The following KCNH5 variants were observed in gnomAD, a reference collection of about 807,000 sequenced individuals.
The protein encoded by KCNH5 is potassium voltage-gated channel subfamily H member 5.
A neutral mutation model predicts 96.1 loss-of-function variants in KCNH5; 46 were observed. That is an observed-to-expected ratio of 0.48 (90% CI 0.38 to 0.61). KCNH5 has a LOEUF of 0.61. Ranked by LOEUF, KCNH5 falls within the 20% of genes least tolerant of loss-of-function variation. The pLI is 0.00. For synonymous variants in KCNH5, 439 were observed against 449.8 expected (o/e 0.98, Z 0.30); for missense variants, 907 against 1,225.8 (o/e 0.74, Z 3.88).
intron 6 of KCNH5, among the ~76,000 whole-genome samples, chr14:62,955,037 G>A (rs1328676901): frequency 1.3e-5 from 2 of 151,554 alleles, no homozygotes; most frequent in Non-Finnish European, 1.5e-5. Context: ...CATATCACTA[G>A]GTCACACATG....
intron 6 of KCNH5, among the ~76,000 whole-genome samples, chr14:62,962,333 G>A (rs1363290654): frequency 1.3e-5 from 2 of 152,084 alleles, no homozygotes; most frequent in Non-Finnish European, 2.9e-5. Context: ...CCCTAATCCA[G>A]ATATAAAAAA....
intron 9 of KCNH5, among the ~76,000 whole-genome samples, chr14:62,801,373 T>C (rs892485534): frequency 1.0e-5 from 1 of 98,948 alleles, no homozygotes; most frequent in African/African-American, 3.5e-5. Context: ...TTATTTTACC[T>C]GGTAAAAAAA....
At chr14:62,713,416 C>T (rs1884615890) in intron 10 of KCNH5, among the ~76,000 whole-genome samples, 1 of 152,208 alleles carries the variant, frequency 6.6e-6, no homozygotes, top group Non-Finnish European at 1.5e-5. Context: ...AGGTTCAAAT[C>T]TTTGACCCAC....
rs146914359 is a variant in KCNH5, at chr14:62,823,656, C to A, written c.1570-21075G>T. 5.8e-3 allele frequency among the ~76,000 whole-genome samples: 878 copies of A among 152,196 alleles called. 5 individuals carry two copies. Among genetic ancestry groups the A allele is most frequent in the Middle Eastern group, 0.014 (4 of 294 alleles). ...ATTATTATAAACACTTCAGATTATT[C>A]TTTCTCCATCATGTCATCTCTGATT... On this transcript the variant is annotated intron_variant, in intron 8 of 10. Transcript: ENST00000322893.
chr14:62,849,865 A>C lies in KCNH5; in HGVS notation c.1370-13T>G. On this transcript the variant is annotated splice_polypyrimidine_tract_variant and intron_variant, in intron 7 of 10. Coordinates refer to ENST00000322893, the MANE Select transcript of KCNH5 (RefSeq NM_139318.5). ...GCATAAAGAAGAGCTGAAAGAGAAG[A>C]AATGATAAAAATAAAACAAATATCT... The C allele has an allele frequency of 6.3e-7, 1 of 1,585,024 alleles. No homozygotes were observed. Among genetic ancestry groups the C allele is most frequent in the Non-Finnish European group, 8.7e-7 (1 of 1,154,920 alleles).
intron 7 of KCNH5, among the ~76,000 whole-genome samples, chr14:62,861,695 C>CT (rs1195387354): frequency 6.7e-6 from 1 of 149,636 alleles, no homozygotes; most frequent in Non-Finnish European, 1.5e-5. Context: ...ATGATCTGAT[C>CT]TGATGATTGA....
chr14:62,917,373 T>C (rs1307655006), intron 7 of KCNH5, among the ~76,000 whole-genome samples: 1 of 151,286 alleles, frequency 6.6e-6, no homozygotes, highest in Non-Finnish European at 1.5e-5. Flanking sequence ...TTTTTTTTGC[T>C]TTATCTCAGA....
chr14:62,779,600 T>C (rs1231122728), intron 10 of KCNH5, 128 bp downstream of exon 10: 5 of 675,204 alleles, frequency 7.4e-6, no homozygotes, highest in Middle Eastern at 4.6e-4. Context: ...GAAGGAAAAT[T>C]ATGCCACTTT....
chr14:62,723,066 G>A (rs1341322290), intron 10 of KCNH5, among the ~76,000 whole-genome samples: 4 of 152,030 alleles, frequency 2.6e-5, no homozygotes, highest in East Asian at 1.9e-4. Flanking sequence ...TTTAGCTCTC[G>A]CCTTGGAAGA....
chr14:62,989,812 T>C lies in KCNH5; in HGVS notation c.434-2625A>G, dbSNP rs185017763. Among the ~76,000 whole-genome samples, 114 of 152,232 alleles carry C rather than the reference T, an allele frequency of 7.5e-4. 2 individuals are homozygous for C. Among genetic ancestry groups the C allele is most frequent in the Non-Finnish European group, 1.4e-3 (92 of 68,000 alleles). On this transcript the variant is annotated intron_variant, in intron 4 of 10. Coordinates refer to ENST00000322893, the MANE Select transcript of KCNH5 (RefSeq NM_139318.5). ...AAAATCAGATATAAAATAAATCTCA[T>C]TTTGTTTTATTATCATTGGTTTTTG...
chr14:62,753,810 TA>T (rs1318097718), intron 10 of KCNH5, among the ~76,000 whole-genome samples: 1 of 152,194 alleles, frequency 6.6e-6, no homozygotes, highest in Non-Finnish European at 1.5e-5. Context: ...AGGGTTTTCA[TA>T]AATACCATAT....
At chr14:62,859,521 G>C (rs902853403) in intron 7 of KCNH5, among the ~76,000 whole-genome samples, 4 of 152,142 alleles carry the variant, frequency 2.6e-5, no homozygotes, top group Non-Finnish European at 4.4e-5. Context: ...CACAGTTTTT[G>C]ACCACTCAAA....
intron 8 of KCNH5, among the ~76,000 whole-genome samples, chr14:62,833,862 T>C (rs1017449054): frequency 4.6e-5 from 7 of 152,018 alleles, no homozygotes; most frequent in African/African-American, 1.7e-4. Flanking sequence ...TTTAGAATCA[T>C]TATCTTGTGC....
At chr14:62,853,227 C>T (rs551001404) in intron 7 of KCNH5, among the ~76,000 whole-genome samples, 2 of 152,062 alleles carry the variant, frequency 1.3e-5, no homozygotes, top group East Asian at 3.9e-4. Context: ...TACCAGCATC[C>T]TTGCAGTCTC....
At chr14:62,768,405 A>G (rs115162880) in intron 10 of KCNH5, among the ~76,000 whole-genome samples, 116 of 152,276 alleles carry the variant, frequency 7.6e-4, no homozygotes, top group African/African-American at 2.7e-3. Flanking sequence ...TTTAAATGAA[A>G]ATGATGTGAT....
At chr14:62,723,934 C>A (rs541769467) in intron 10 of KCNH5, among the ~76,000 whole-genome samples, 30 of 152,168 alleles carry the variant, frequency 2.0e-4, no homozygotes, top group African/African-American at 6.0e-4. Flanking sequence ...GGTACGGTAG[C>A]CTTTTATTTG....
intron 7 of KCNH5, among the ~76,000 whole-genome samples, chr14:62,880,401 A>C (rs1324947708): frequency 6.6e-6 from 1 of 152,250 alleles, no homozygotes; most frequent in Non-Finnish European, 1.5e-5. Context: ...AAAGAAGAAA[A>C]GCCAACATTA....
intron 5 of KCNH5, among the ~76,000 whole-genome samples, chr14:62,984,794 C>T (rs1345790849): frequency 2.6e-5 from 4 of 151,924 alleles, no homozygotes; most frequent in African/African-American, 7.3e-5. Context: ...AATAGGAATA[C>T]GTTTCTCAAA....
intron 7 of KCNH5, among the ~76,000 whole-genome samples, chr14:62,938,838 A>G (rs1032785617): frequency 1.3e-5 from 2 of 152,230 alleles, no homozygotes; most frequent in African/African-American, 4.8e-5. Flanking sequence ...ATTTCATACA[A>G]ACTTCTAAGC....
Sources: allele counts gnomAD v4.1 joint callset (sites outside exome capture counted in the v4.1 genomes callset), GRCh38; gene constraint gnomAD v4.1.1; transcripts MANE v1.5; gene names NCBI Gene and HGNC (gene_info 2026-07-23, HGNC 2026-07-21).